Variants in GABRB1 observed in about 807,000 individuals in gnomAD.
GABRB1 encodes the protein gamma-aminobutyric acid receptor subunit beta-1.
A neutral mutation model predicts 51.6 loss-of-function variants in GABRB1; 17 were observed. The observed-to-expected ratio is 0.33, with a 90% CI of 0.23 to 0.49. The LOEUF is 0.49. Among genes scored for constraint, GABRB1 ranks in the 20% least tolerant of loss-of-function variants. The pLI, the probability that GABRB1 is intolerant of heterozygous loss-of-function variation, is 0.99. For synonymous variants in GABRB1, 247 were observed against 218.9 expected, an observed-to-expected ratio of 1.13 and a Z score of -1.14; for missense variants, 410 against 600.6, an observed-to-expected ratio of 0.68 and a Z score of 3.32.
At chr4:47,417,277 GT>G (rs1026397490) in intron 8 of GABRB1, among the ~76,000 whole-genome samples, 1 of 151,670 alleles carries the variant, frequency 6.6e-6, no homozygotes, top group East Asian at 1.9e-4. Context: ...TTTGTTTTTT[GT>G]TTTTTTCCTT....
At chr4:47,078,994 T>C (rs1193872152) in intron 3 of GABRB1, among the ~76,000 whole-genome samples, 1 of 152,212 alleles carries the variant, frequency 6.6e-6, no homozygotes, top group Non-Finnish European at 1.5e-5. Flanking sequence ...CTTTTTGATG[T>C]GCTGCTGGAT....
chr4:47,280,779 C>G (rs920678094), intron 4 of GABRB1, among the ~76,000 whole-genome samples: 3 of 150,566 alleles, frequency 2.0e-5, no homozygotes, highest in Admixed American at 1.3e-4. Flanking sequence ...TCCAAAGAAG[C>G]TAAAACTACA....
At chr4:47,400,355 A>G (rs931077963) in intron 5 of GABRB1, among the ~76,000 whole-genome samples, 1 of 152,176 alleles carries the variant, frequency 6.6e-6, no homozygotes, top group African/African-American at 2.4e-5. Context: ...ACCTAAATCT[A>G]GTTGTTCCAC....
chr4:47,037,740 A>T (rs192894912), intron 3 of GABRB1, among the ~76,000 whole-genome samples: 83 of 152,250 alleles, frequency 5.5e-4, no homozygotes, highest in African/African-American at 1.9e-3. Context: ...TATGGTTATC[A>T]GTGCTTTACA....
intron 4 of GABRB1, among the ~76,000 whole-genome samples, chr4:47,162,155 T>C (rs1290529395): frequency 1.3e-5 from 2 of 152,088 alleles, no homozygotes; most frequent in African/African-American, 4.8e-5. Flanking sequence ...GGAGAAATGG[T>C]AAAATAAACT....
intron 5 of GABRB1, among the ~76,000 whole-genome samples, chr4:47,350,540 C>T (rs1446899709): frequency 6.6e-6 from 1 of 151,488 alleles, no homozygotes; most frequent in Non-Finnish European, 1.5e-5. Context: ...CATGGAGTTT[C>T]TTTTAAAAAA....
chr4:47,318,612 T>C (rs1253077524), intron 4 of GABRB1, among the ~76,000 whole-genome samples: 1 of 152,022 alleles, frequency 6.6e-6, no homozygotes, highest in Non-Finnish European at 1.5e-5. Context: ...TCATACCATA[T>C]TCACCACTCC....
At chr4:47,241,686 C>T (rs972893043) in intron 4 of GABRB1, among the ~76,000 whole-genome samples, 1 of 152,116 alleles carries the variant, frequency 6.6e-6, no homozygotes, top group Non-Finnish European at 1.5e-5. Context: ...ACCTTACCTC[C>T]AACTCTCACC....
At chr4:47,054,063 A>G (rs538391726) in intron 3 of GABRB1, among the ~76,000 whole-genome samples, 7 of 152,328 alleles carry the variant, frequency 4.6e-5, no homozygotes, top group African/African-American at 1.7e-4. Context: ...TTTAAAAAAA[A>G]AAAGCTCATT....
intron 1 of GABRB1, among the ~76,000 whole-genome samples, chr4:47,021,145 AT>A (rs1286248463): frequency 3.3e-5 from 5 of 152,142 alleles, no homozygotes; most frequent in African/African-American, 1.2e-4. Context: ...ACCTGATTTA[AT>A]TTTTCTCTCC....
chr4:47,294,111 C>T (rs1368549528), intron 4 of GABRB1, among the ~76,000 whole-genome samples: 1 of 152,122 alleles, frequency 6.6e-6, no homozygotes, highest in African/African-American at 2.4e-5. Context: ...TAGAAATTAT[C>T]TAGGTGGGGG....
chr4:47,109,945 T>C (rs1715147715), intron 3 of GABRB1, among the ~76,000 whole-genome samples: 1 of 152,048 alleles, frequency 6.6e-6, no homozygotes, highest in Non-Finnish European at 1.5e-5. Context: ...TCATGAAAAG[T>C]TCAACATTGT....
rs552540356 is a variant in GABRB1, at chr4:47,184,485, T to G, written c.461+23016T>G. ...AACTTTGCTGCTCCATCTCACCTTG[T>G]TTTGCCTCACTCTAAAAGATGCACT... is the stretch of plus-strand genomic sequence containing the variant. On this transcript the variant is annotated intron_variant, in intron 4 of 8. Coordinates refer to ENST00000295454, the MANE Select transcript of GABRB1 (RefSeq NM_000812.4). Among the ~76,000 whole-genome samples, 12 of 152,028 alleles carry G rather than the reference T, an allele frequency of 7.9e-5. No homozygotes were observed. In the South Asian group the frequency reaches 2.3e-3, roughly 29 times the overall value.
chr4:47,382,811 A>C lies in GABRB1; in HGVS notation c.545-20507A>C, dbSNP rs530113205. ...TCCTATTTCATGGACATCAGAAATA[A>C]AGCCTTCAACATAAACAAAATTGGC... is the stretch of plus-strand genomic sequence containing the variant. On this transcript the variant is annotated intron_variant, in intron 5 of 8. Transcript: ENST00000295454. Among the ~76,000 whole-genome samples, 3 of 152,348 alleles carry C rather than the reference A, an allele frequency of 2.0e-5. No individual in the cohort carries two copies. The South Asian group carries it at 6.2e-4, about 32-fold the overall frequency.
chr4:47,219,911 C>G (rs1415575572), intron 4 of GABRB1, among the ~76,000 whole-genome samples: 1 of 151,782 alleles, frequency 6.6e-6, no homozygotes, highest in Admixed American at 6.6e-5. Flanking sequence ...AATTACTTGT[C>G]TTCCTTCCTA....
At chr4:47,339,833 A>ACACACACAC (rs1257142583) in intron 5 of GABRB1, among the ~76,000 whole-genome samples, 2 of 151,752 alleles carry the variant, frequency 1.3e-5, no homozygotes, top group East Asian at 3.9e-4. Context: ...GCACACACAC[A>ACACACACAC]CACACACACA....
chr4:47,399,667 T>C (rs1288065797), intron 5 of GABRB1, among the ~76,000 whole-genome samples: 3 of 152,228 alleles, frequency 2.0e-5, no homozygotes, highest in Non-Finnish European at 4.4e-5. Context: ...AGATGATATG[T>C]CCTCTGAATC....
At chr4:47,129,773 C>T (rs182795330) in intron 3 of GABRB1, among the ~76,000 whole-genome samples, 15 of 152,030 alleles carry the variant, frequency 9.9e-5, no homozygotes, top group Middle Eastern at 3.4e-3. Flanking sequence ...CTAGGAAGAG[C>T]GTTTCTCATG....
At chr4:47,421,488 T>C (rs1479236687) in intron 8 of GABRB1, among the ~76,000 whole-genome samples, 1 of 152,074 alleles carries the variant, frequency 6.6e-6, no homozygotes, top group Non-Finnish European at 1.5e-5. Flanking sequence ...GTCCTCCACC[T>C]GGAATGTTCT....
Sources: allele counts gnomAD v4.1 joint callset (sites outside exome capture counted in the v4.1 genomes callset), GRCh38; gene constraint gnomAD v4.1.1; transcripts MANE v1.5; gene names NCBI Gene and HGNC (gene_info 2026-07-23, HGNC 2026-07-21).